The following ADA variants were observed in gnomAD, a reference collection of about 807,000 sequenced individuals.
ADA encodes adenosine deaminase.
ADA carries 45 observed loss-of-function variants against 49.0 expected under a neutral mutation model. The ratio of observed to expected loss-of-function variants is 0.92; its 90% CI spans 0.72 to 1.18. The LOEUF (loss-of-function observed/expected upper bound fraction) is 1.18. Ranked by LOEUF, ADA falls within the 50% of genes most tolerant of loss-of-function variation. ADA has a pLI of 0.00. For missense variants in ADA, 445 were observed against 472.5 expected, an observed-to-expected ratio of 0.94 and a Z score of 0.54; for synonymous variants, 173 against 184.2, an observed-to-expected ratio of 0.94 and a Z score of 0.49.
chr20:44,625,113 A>G (rs892532455), intron 5 of ADA, among the ~76,000 whole-genome samples: 37 of 152,360 alleles, frequency 2.4e-4, no homozygotes, highest in Non-Finnish European at 3.4e-4. Context: ...GACCTGCCCA[A>G]TATCACACAG....
chr20:44,628,969 C>T (rs752511613), intron 3 of ADA, 78 bp downstream of exon 3: 57 of 1,607,146 alleles, frequency 3.5e-5, no homozygotes, highest in Admixed American at 1.7e-5. Flanking sequence ...CTCTGGCCCC[C>T]ACAGGCTGAG....
intron 1 of ADA, among the ~76,000 whole-genome samples, chr20:44,641,750 C>CATTT (rs1211343764): frequency 6.6e-6 from 1 of 151,228 alleles, no homozygotes; most frequent in Non-Finnish European, 1.5e-5. Flanking sequence ...AGTATTTATT[C>CATTT]ATTTATTTAT....
chr20:44,622,040 T>C (rs2065336903), intron 9 of ADA, among the ~76,000 whole-genome samples: 1 of 152,256 alleles, frequency 6.6e-6, no homozygotes, highest in South Asian at 2.1e-4. Flanking sequence ...TGTCCTTGTC[T>C]TGGGGAAGGC....
At chr20:44,631,612 G>A (rs2065433873) in intron 2 of ADA, among the ~76,000 whole-genome samples, 1 of 152,192 alleles carries the variant, frequency 6.6e-6, no homozygotes, top group South Asian at 2.1e-4. Context: ...CCAGCCATGT[G>A]CGATTCTCCT....
At chr20:44,632,655 A>G (rs908463903) in intron 2 of ADA, among the ~76,000 whole-genome samples, 2 of 152,092 alleles carry the variant, frequency 1.3e-5, no homozygotes, top group Admixed American at 6.5e-5. Flanking sequence ...CCACCCACAC[A>G]AGCGAAGGCT....
Position 44,624,261 on chromosome 20 carries a change from C to A in ADA, c.547G>T (p.Ala183Ser), listed in dbSNP as rs1415459561. Residue 183 changes from alanine (A) to serine (S), a missense_variant, in exon 6 of 12, where the codon GCT becomes TCT. Coordinates refer to ENST00000372874, the MANE Select transcript of ADA (RefSeq NM_000022.4). ...CTTCCTGGGATGGTCTCATCTCCAG[C>A]CAGGTCAATGGCTACCACGGTCTGC... ...QQQTVVAIDLAGDETIPGSSL... is the reference protein window; with the variant it reads ...QQQTVVAIDLSGDETIPGSSL... The A allele has an allele frequency of 6.2e-7, 1 of 1,614,046 alleles. No homozygotes were observed. Among genetic ancestry groups the A allele is most frequent in the Non-Finnish European group, 8.5e-7 (1 of 1,179,958 alleles).
chr20:44,647,088 A>G (rs1015835330), intron 1 of ADA, among the ~76,000 whole-genome samples: 3 of 152,088 alleles, frequency 2.0e-5, no homozygotes, highest in Non-Finnish European at 4.4e-5. Flanking sequence ...GAAAAGGCAC[A>G]TTGCTGATTT....
rs188755077 is a variant in ADA at position 44,619,552 on chromosome 20, G to A, written c.*282C>T. On this transcript the variant is annotated 3_prime_UTR_variant, in exon 12 of 12. Transcript: ENST00000372874. ...GCCACCAGCCATGGGCTTCTTTATT[G>A]AGCACCAGATTTTCAGTACAAGTTG... is the stretch of plus-strand genomic sequence containing the variant. 281 of 447,630 alleles carry A rather than the reference G, an allele frequency of 6.3e-4. No homozygotes were observed. The highest frequency in any genetic ancestry group is 9.8e-4 in the Non-Finnish European group (237 of 242,036). The allele number at this position is 447,630 out of a possible 1,614,324, so 27.7% of individuals were successfully genotyped here. A position where few individuals can be genotyped will look rare whatever the true frequency, so the allele number is the denominator to read the frequency against.
At chr20:44,651,153 G>C (rs1325095114) in intron 1 of ADA, among the ~76,000 whole-genome samples, 2 of 152,180 alleles carry the variant, frequency 1.3e-5, no homozygotes, top group Non-Finnish European at 1.5e-5. Context: ...TAACGCTGGC[G>C]TACAAAGCTG....
At chr20:44,650,336 C>A (rs550266744) in intron 1 of ADA, among the ~76,000 whole-genome samples, 1 of 152,248 alleles carries the variant, frequency 6.6e-6, no homozygotes, top group East Asian at 1.9e-4. Context: ...CACAGCCTGT[C>A]TCCCTCACTG....
chr20:44,631,443 G>A (rs1352433871), intron 2 of ADA, among the ~76,000 whole-genome samples: 1 of 152,152 alleles, frequency 6.6e-6, no homozygotes, highest in African/African-American at 2.4e-5. Context: ...ACAAGGCCTT[G>A]CCCAGTAACT....
rs374983783 is a variant in ADA, at chr20:44,626,591, C to T, written c.227G>A (p.Arg76Gln). 1.2e-5 allele frequency: 19 copies of T among 1,613,988 alleles called. No homozygotes were observed. Among genetic ancestry groups the T allele is most frequent in the South Asian group, 8.8e-5 (8 of 91,076 alleles). The stretch of plus-strand genomic sequence containing the variant: ...ATAGGCGATCCTTTTGATAGCCTCC[C>T]GGCAGCCCCTGGGAAGGGAAGAAAG... ...DYYMPAIAGC[R>Q]EAIKRIAYEF... Residue 76 changes from arginine (R) to glutamine (Q), a missense_variant, in exon 4 of 12, where the codon CGG becomes CAG. Physicochemically the swap from Arg to Gln is conservative, Grantham distance 43. Transcript: ENST00000372874.
At chr20:44,641,770 TTG>T (rs796481037) in intron 1 of ADA, among the ~76,000 whole-genome samples, 72 of 149,654 alleles carry the variant, frequency 4.8e-4, no homozygotes, top group African/African-American at 1.6e-3. Flanking sequence ...TTTGTTGTTG[TTG>T]TTTTTTTTTT....
chr20:44,637,438 G>A (rs1214113641), intron 1 of ADA, among the ~76,000 whole-genome samples: 1 of 152,210 alleles, frequency 6.6e-6, no homozygotes, highest in African/African-American at 2.4e-5. Context: ...GCTGTTAGGA[G>A]AAGCACAGCA....
intron 10 of ADA, 65 bp from the exon 11 acceptor site, chr20:44,620,466 T>G (rs1047121584): frequency 1.5e-6 from 2 of 1,338,156 alleles, no homozygotes; most frequent in Non-Finnish European, 1.1e-6. Context: ...CTTAGCAATG[T>G]AGTGATAGTC....
chr20:44,628,277 C>T (rs973122755), intron 3 of ADA, among the ~76,000 whole-genome samples: 1 of 152,188 alleles, frequency 6.6e-6, no homozygotes, highest in African/African-American at 2.4e-5. Flanking sequence ...GTAATCCCAG[C>T]ATTTTGGGAG....
rs747172905 is a variant in ADA, at chr20:44,622,922, G to A, written c.687C>T (p.Asp229=). 6.2e-7 allele frequency: 1 copy of A among 1,614,238 alleles called. No homozygotes were observed. Among genetic ancestry groups the A allele is most frequent in the Non-Finnish European group, 8.5e-7 (1 of 1,180,042 alleles). Residue 229 remains aspartate (D), a synonymous_variant, in exon 8 of 12, where the codon GAC becomes GAT. Coordinates refer to ENST00000372874, the MANE Select transcript of ADA (RefSeq NM_000022.4). ...GTCCCAGCCGCTCTGTCTTGAGTAT[G>A]TCCACAGCCTGTAGAGAAGCAGAAT... ...GSAEVVKEAV[D]ILKTERLGHG... is the part of the protein sequence containing the mutation.
chr20:44,624,166 A>G, intron 6 of ADA, 36 bp downstream of exon 6: 1 of 1,583,102 alleles, frequency 6.3e-7, no homozygotes, highest in Non-Finnish European at 8.6e-7. Flanking sequence ...AAGCTCACCC[A>G]GGGCCAGCCT....
chr20:44,627,010 A>G (rs2065389144), intron 3 of ADA, among the ~76,000 whole-genome samples: 1 of 151,654 alleles, frequency 6.6e-6, no homozygotes, highest in Admixed American at 6.6e-5. Context: ...TGCATCCTCC[A>G]GGCCTTGCCA....
Sources: allele counts gnomAD v4.1 joint callset (sites outside exome capture counted in the v4.1 genomes callset), GRCh38; gene constraint gnomAD v4.1.1; transcripts MANE v1.5; gene names NCBI Gene and HGNC (gene_info 2026-07-23, HGNC 2026-07-21).